The following ARHGEF18 variants were observed in gnomAD, a reference collection of about 807,000 sequenced individuals.
ARHGEF18 encodes the protein rho guanine nucleotide exchange factor 18.
ARHGEF18 carries 93 observed loss-of-function variants against 155.7 expected under a neutral mutation model. The ratio of observed to expected loss-of-function variants is 0.60; its 90% confidence interval spans 0.50 to 0.71. The LOEUF (loss-of-function observed/expected upper bound fraction) is 0.71. ARHGEF18 is among the 30% of genes least tolerant of loss of function. ARHGEF18 has a pLI of 0.00. For missense variants in ARHGEF18, 1,593 were observed against 1,816.1 expected, an observed-to-expected ratio of 0.88 and a Z score of 2.23; for synonymous variants, 742 against 753.1, an observed-to-expected ratio of 0.99 and a Z score of 0.24.
At position 7,462,019 on chromosome 19, in the gene ARHGEF18, G is replaced by T. The variant is rs766035694; in HGVS notation, c.2453-133G>T. 1.1e-6 allele frequency: 1 copy of T among 948,298 alleles called. No individual in the cohort carries two copies. The highest frequency in any genetic ancestry group is 1.6e-6 in the Non-Finnish European group (1 of 611,250). The allele number at this position is 948,298 out of a possible 1,614,324, so 58.7% of individuals were successfully genotyped here. ...ATGCCCTCCCCTACCTCCCAGGAATGCAGGACACAAGGGGGCAGCCTACCT... is the reference window on the plus strand; with the variant it reads ...ATGCCCTCCCCTACCTCCCAGGAATTCAGGACACAAGGGGGCAGCCTACCT... On this transcript the variant is annotated intron_variant, in intron 20 of 28. Transcript: ENST00000668164. This position sits in a 1 kb window ranked among gnomAD's most constrained non-coding sequence, Gnocchi z 4.4.
Position 7,444,113 on chromosome 19 carries a change from G to C in ARHGEF18, c.1361-91G>C. 6.5e-7 allele frequency: 1 copy of C among 1,534,048 alleles called. No individual in the cohort carries two copies. Among genetic ancestry groups the C allele is most frequent in the Non-Finnish European group, 8.8e-7 (1 of 1,129,980 alleles). ...TTAGGCAGAGAACTCTCAGAAGCCA[G>C]TTCAGCACGTGAAGGGCAGGCAGCA... On this transcript the variant is annotated intron_variant, in intron 13 of 28. Transcript: ENST00000668164. The surrounding 1 kb of genome is among the most constrained non-coding windows in gnomAD (Gnocchi z 4.7).
chr19:7,474,189 A>G (rs578201764), downstream of ARHGEF18, among the ~76,000 whole-genome samples: 1 of 151,758 alleles, frequency 6.6e-6, no homozygotes, highest in East Asian at 2.0e-4. Flanking sequence ...AAACACAAAA[A>G]TCAGCCGGGC....
intron 16 of ARHGEF18, 136 bp downstream of exon 16, chr19:7,451,402 T>C: frequency 3.4e-6 from 2 of 586,478 alleles, no homozygotes; most frequent in Middle Eastern, 4.8e-4. Context: ...TGGGGTTCCT[T>C]CCTTTTTTTT....
At chr19:7,431,117 G>A (rs2145723243) in intron 10 of ARHGEF18, among the ~76,000 whole-genome samples, 1 of 152,168 alleles carries the variant, frequency 6.6e-6, no homozygotes, top group Non-Finnish European at 1.5e-5. Context: ...TCGTGCCTGT[G>A]TACTATAGCC....
Position 7,467,447 on chromosome 19 carries a change from G to C in ARHGEF18, c.3243G>C (p.Leu1081=), listed in dbSNP as rs1229612729. Residue 1081 remains leucine (L), a synonymous_variant, in exon 26 of 29, where the codon CTG becomes CTC. Transcript: ENST00000668164. ...AGCGCCAGTGGCAGCACCAGGAGCT[G>C]GAGCGTGCGGGCGCGCGGCTGCAGG... ...ERERQWQHQE[L]ERAGARLQER... 1.3e-6 allele frequency: 2 copies of C among 1,527,446 alleles called. No homozygotes were observed. Among genetic ancestry groups the C allele is most frequent in the East Asian group, 4.9e-5 (2 of 40,648 alleles). The allele number at this position is 1,527,446 out of a possible 1,614,324, so 94.6% of individuals were successfully genotyped here.
chr19:7,418,251 GT>G (rs562852150), intron 10 of ARHGEF18, among the ~76,000 whole-genome samples: 1 of 152,014 alleles, frequency 6.6e-6, no homozygotes, highest in South Asian at 2.1e-4. Context: ...TGTTTGTGGG[GT>G]TTTTTTGTTT....
At chr19:7,424,489 C>T (rs78326104) in intron 10 of ARHGEF18, among the ~76,000 whole-genome samples, 5,630 of 152,104 alleles carry the variant, frequency 0.037, 310 homozygotes, top group East Asian at 0.21. Context: ...TGGAATGCCT[C>T]GAATGTCTAA....
Position 7,372,843 on chromosome 19 carries a change from G to A in ARHGEF18, c.47G>A (p.Ser16Asn). The part of the protein sequence containing the change: ...EDDFPRRLSE[S>N]MEDLSLDLGA... Reference sequence around the variant, plus strand: ...GATTTTCCCAGGCGGCTCAGCGAGAGTATGGAGGACCTCAGCCTGGATTTG... The same window carrying A: ...GATTTTCCCAGGCGGCTCAGCGAGAATATGGAGGACCTCAGCCTGGATTTG... The change falls in exon 3 of 29, where the codon AGT becomes AAT. Residue 16 changes from serine (S) to asparagine (N), a missense_variant. Coordinates refer to ENST00000668164, the MANE Select transcript of ARHGEF18 (RefSeq NM_001367823.1). The A allele has an allele frequency of 8.1e-7, 1 of 1,234,548 alleles. No individual in the cohort carries two copies. Among genetic ancestry groups the A allele is most frequent in the Non-Finnish European group, 1.0e-6 (1 of 988,304 alleles). The allele number at this position is 1,234,548 out of a possible 1,614,324, so 76.5% of individuals were successfully genotyped here.
At chr19:7,447,212 C>T (rs777149175) in intron 15 of ARHGEF18, 44 bp downstream of exon 15, 33 of 1,541,516 alleles carry the variant, frequency 2.1e-5, no homozygotes, top group Admixed American at 3.9e-5. Flanking sequence ...ATATTCTGGC[C>T]GGGCGCAGTG....
chr19:7,388,411 G>A (rs73923388), intron 10 of ARHGEF18, among the ~76,000 whole-genome samples: 10 of 151,710 alleles, frequency 6.6e-5, no homozygotes, highest in African/African-American at 2.2e-4. Context: ...GCTCTAAACC[G>A]ATTTCCTCAT....
chr19:7,434,957 T>C (rs1405083834), intron 10 of ARHGEF18, among the ~76,000 whole-genome samples: 1 of 152,182 alleles, frequency 6.6e-6, no homozygotes. Flanking sequence ...ATCCCAGCAC[T>C]TTGGGAGGCC....
intron 1 of ARHGEF18, among the ~76,000 whole-genome samples, chr19:7,360,839 G>A (rs889742131): frequency 2.0e-5 from 3 of 152,166 alleles, no homozygotes; most frequent in African/African-American, 7.2e-5. Context: ...CTTCTGGGTG[G>A]GGAAGAGAAC....
intron 10 of ARHGEF18, chr19:7,439,972 C>T (rs1191600972): frequency 1.3e-6 from 2 of 1,544,582 alleles, no homozygotes. Flanking sequence ...ATCCTGCCCT[C>T]CAGACCCGCT....
intron 10 of ARHGEF18, among the ~76,000 whole-genome samples, chr19:7,430,304 C>T (rs759858432): frequency 3.3e-5 from 5 of 152,012 alleles, no homozygotes; most frequent in African/African-American, 4.8e-5. Context: ...CAGGCTCAAG[C>T]GATCCTTCTG....
At chr19:7,474,377 A>AT (rs1289586053), downstream of ARHGEF18, among the ~76,000 whole-genome samples, 1 of 151,304 alleles carries the variant, frequency 6.6e-6, no homozygotes, top group Middle Eastern at 3.2e-3. Context: ...AATTTATTAC[A>AT]TTTTTATTTA....
intron 10 of ARHGEF18, among the ~76,000 whole-genome samples, chr19:7,389,464 T>TTTTC (rs372683846): frequency 8.7e-5 from 13 of 148,890 alleles, no homozygotes; most frequent in African/African-American, 3.2e-4. Context: ...CCACCCTACA[T>TTTTC]TTTCTTCCTT....
At chr19:7,397,505 G>T (rs937761525) in intron 10 of ARHGEF18, among the ~76,000 whole-genome samples, 1 of 151,974 alleles carries the variant, frequency 6.6e-6, no homozygotes, top group Non-Finnish European at 1.5e-5. Context: ...GCCCGGGGGG[G>T]GGCAGATCAC....
At chr19:7,387,853 CG>C (rs1306620962) in intron 10 of ARHGEF18, among the ~76,000 whole-genome samples, 1 of 151,764 alleles carries the variant, frequency 6.6e-6, no homozygotes, top group Non-Finnish European at 1.5e-5. Flanking sequence ...TTAGTAGAGA[CG>C]GGGTTTCACC....
intron 3 of ARHGEF18, among the ~76,000 whole-genome samples, chr19:7,375,399 AAAGG>A (rs1417717442): frequency 6.6e-6 from 1 of 151,090 alleles, no homozygotes; most frequent in Non-Finnish European, 1.5e-5. Flanking sequence ...AGGAAGGAAG[AAAGG>A]AAGGAAGAAA....
Sources: gnomAD v4.1 joint callset for allele counts (sites outside exome capture counted in the v4.1 genomes callset) on GRCh38, gnomAD v4.1.1 for gene constraint, Gnocchi (gnomAD v3.1) non-coding constraint, MANE v1.5 for transcripts, NCBI Gene and HGNC (gene_info 2026-07-23, HGNC 2026-07-21) for gene names.